SLC16A2: variants seen among roughly 807,000 people sequenced by gnomAD.
The protein encoded by SLC16A2 is solute carrier family 16 member 2.
SLC16A2 carries 3 observed loss-of-function variants against 27.2 expected under a neutral mutation model. The ratio of observed to expected loss-of-function variants is 0.11; its 90% CI spans 0.05 to 0.28. The LOEUF (loss-of-function observed/expected upper bound fraction) is 0.28. Ranked by LOEUF, SLC16A2 falls within the 10% of genes least tolerant of loss-of-function variation. The pLI, the probability that SLC16A2 is intolerant of heterozygous loss-of-function variation, is 1.00. For missense variants in SLC16A2, 295 were observed against 458.5 expected, an observed-to-expected ratio of 0.64 and a Z score of 3.26; for synonymous variants, 202 against 187.8, an observed-to-expected ratio of 1.08 and a Z score of -0.62.
chrX:74,461,415 T>C (rs1024411003), intron 1 of SLC16A2, among the ~76,000 whole-genome samples: 13 of 109,707 alleles, frequency 1.2e-4, no homozygotes, highest in Admixed American at 2.0e-4. Flanking sequence ...AGAGTGTGTG[T>C]GTGTGTGTGT....
intron 1 of SLC16A2, among the ~76,000 whole-genome samples, chrX:74,446,652 CCAAA>C (rs200756107): frequency 0.013 from 1,423 of 105,701 alleles, 23 homozygotes; most frequent in African/African-American, 0.048. Flanking sequence ...AACAAAACAA[CCAAA>C]CAAACAAACC....
At chrX:74,438,205 T>C (rs1391356809) in intron 1 of SLC16A2, among the ~76,000 whole-genome samples, 1 of 112,454 alleles carries the variant, frequency 8.9e-6, no homozygotes, top group Non-Finnish European at 1.9e-5. Flanking sequence ...GCCATTTACC[T>C]GATCTGCAAT....
intron 1 of SLC16A2, among the ~76,000 whole-genome samples, chrX:74,446,773 T>C (rs1298797864): frequency 8.9e-6 from 1 of 112,593 alleles, no homozygotes; most frequent in Non-Finnish European, 1.9e-5. Context: ...GATAGAATCC[T>C]GAGTTCCAGT....
chrX:74,435,539 A>ATATATATGCATATATATATATG (rs1227431566), intron 1 of SLC16A2, among the ~76,000 whole-genome samples: 6 of 70,836 alleles, frequency 8.5e-5, no homozygotes, highest in East Asian at 4.4e-4. Flanking sequence ...ATATATATGT[A>ATATATATGCATATATATATATG]TATATATATA....
At chrX:74,505,517 T>A (rs777822297) in intron 1 of SLC16A2, among the ~76,000 whole-genome samples, 1 of 112,327 alleles carries the variant, frequency 8.9e-6, no homozygotes, top group Admixed American at 9.4e-5. Flanking sequence ...GTCAGCCTAT[T>A]CCTGCTCAGA....
At chrX:74,487,243 C>T (rs2147858265) in intron 1 of SLC16A2, among the ~76,000 whole-genome samples, 1 of 110,817 alleles carries the variant, frequency 9.0e-6, no homozygotes, top group Admixed American at 9.7e-5. Flanking sequence ...GGAGGGGCAC[C>T]CATGTAAAAA....
Position 74,469,628 on chromosome X carries a change from A to T in SLC16A2, c.430+47561A>T, listed in dbSNP as rs517019. Among the ~76,000 whole-genome samples the T allele has an allele frequency of 6.1e-3, 666 of 109,992 alleles. 10 individuals carry two copies. Among genetic ancestry groups the T allele is most frequent in the African/African-American group, 0.021 (625 of 30,051 alleles). ...TTGGCCATTTGTATATCTTCTTTAA[A>T]GAAATGTCTATTGAAACTCTTGGCC... On this transcript the variant is annotated intron_variant, in intron 1 of 5. Coordinates refer to ENST00000587091, the MANE Select transcript of SLC16A2 (RefSeq NM_006517.5).
intron 1 of SLC16A2, among the ~76,000 whole-genome samples, chrX:74,427,804 C>T (rs752765637): frequency 2.3e-3 from 162 of 70,656 alleles, no homozygotes; most frequent in South Asian, 0.023. Flanking sequence ...CACGCGTGCA[C>T]GCGCGCGCAC....
At chrX:74,479,722 G>A (rs1323464375) in intron 1 of SLC16A2, among the ~76,000 whole-genome samples, 3 of 112,486 alleles carry the variant, frequency 2.7e-5, no homozygotes, top group East Asian at 5.6e-4. Context: ...CTCAGCTGCA[G>A]GTGGGTTGGA....
chrX:74,454,574 T>C (rs1929007471), intron 1 of SLC16A2, among the ~76,000 whole-genome samples: 1 of 82,796 alleles, frequency 1.2e-5, no homozygotes, highest in Non-Finnish European at 2.3e-5. Flanking sequence ...CCAGGGCCTG[T>C]TGTGGGGTGC....
rs754620933 is a variant in SLC16A2 at position 74,528,841 on chromosome X, T to C, written c.1171-372T>C. On this transcript the variant is annotated intron_variant, in intron 4 of 5. Coordinates refer to ENST00000587091, the MANE Select transcript of SLC16A2 (RefSeq NM_006517.5). Reference sequence around the variant, plus strand: ...TTACTTGGATCTGAGAACACCGGTATGGCCTGATCCCAGACCCTGATCCCT... The same window carrying C: ...TTACTTGGATCTGAGAACACCGGTACGGCCTGATCCCAGACCCTGATCCCT... Among the ~76,000 whole-genome samples the C allele has an allele frequency of 2.7e-5, 3 of 111,877 alleles. No homozygotes were observed. In the East Asian group the frequency reaches 8.5e-4, roughly 32 times the overall value.
intron 1 of SLC16A2, among the ~76,000 whole-genome samples, chrX:74,436,908 C>T: frequency 8.9e-6 from 1 of 111,996 alleles, no homozygotes; most frequent in East Asian, 2.8e-4. Flanking sequence ...ATAATTAAAT[C>T]TATGTTTTTC....
intron 1 of SLC16A2, among the ~76,000 whole-genome samples, chrX:74,423,733 G>A (rs1201473666): frequency 9.0e-6 from 1 of 111,615 alleles, no homozygotes; most frequent in East Asian, 2.8e-4. Flanking sequence ...GGGGCTCCTG[G>A]GAAAGCAGGC....
intron 1 of SLC16A2, among the ~76,000 whole-genome samples, chrX:74,487,744 C>T (rs1364871773): frequency 5.4e-5 from 6 of 111,946 alleles, no homozygotes. Context: ...CCTTCCTCCA[C>T]ATCAACTTGT....
chrX:74,492,749 C>A (rs1180800960), intron 1 of SLC16A2, among the ~76,000 whole-genome samples: 2 of 111,589 alleles, frequency 1.8e-5, no homozygotes, highest in South Asian at 3.8e-4. Context: ...CCACCCCCAA[C>A]GTCCAGCTAA....
chrX:74,423,533 A>C (rs1053849706), intron 1 of SLC16A2, among the ~76,000 whole-genome samples: 2 of 111,359 alleles, frequency 1.8e-5, no homozygotes, highest in African/African-American at 6.5e-5. Flanking sequence ...ATCCATTGGC[A>C]CAGCAGCGGT....
intron 1 of SLC16A2, among the ~76,000 whole-genome samples, chrX:74,450,108 AAGCATCAAGGCAAG>A (rs1928911819): frequency 1.8e-5 from 2 of 112,242 alleles, no homozygotes; most frequent in South Asian, 7.5e-4. Context: ...CTATGCTAGC[AAGCATCAAGGCAAG>A]TCCTTTAGTC....
chrX:74,455,198 A>T (rs948719429), intron 1 of SLC16A2, among the ~76,000 whole-genome samples: 14 of 111,872 alleles, frequency 1.3e-4, no homozygotes, highest in Non-Finnish European at 2.6e-4. Context: ...GAAGTACTTG[A>T]AACAGTCCCT....
chrX:74,453,437 C>A (rs1928980851), intron 1 of SLC16A2, among the ~76,000 whole-genome samples: 1 of 111,409 alleles, frequency 9.0e-6, no homozygotes, highest in Non-Finnish European at 1.9e-5. Context: ...CACATCCCAT[C>A]CATGACCATC....
Sources: gnomAD v4.1 joint callset for allele counts (sites outside exome capture counted in the v4.1 genomes callset) on GRCh38, gnomAD v4.1.1 for gene constraint, MANE v1.5 for transcripts, NCBI Gene and HGNC (gene_info 2026-07-23, HGNC 2026-07-21) for gene names.